ZNF385D: variants seen among roughly 807,000 people sequenced by gnomAD.
ZNF385D encodes the protein zinc finger protein 385D.
ZNF385D carries 15 observed loss-of-function variants against 35.8 expected under a neutral mutation model. The observed-to-expected ratio is 0.42, with a 90% CI of 0.28 to 0.64. The LOEUF (loss-of-function observed/expected upper bound fraction) is 0.64, where lower values mean the gene tolerates loss of function less well. ZNF385D is among the 30% of genes least tolerant of loss of function. ZNF385D has a pLI of 0.23. For missense variants in ZNF385D, 474 were observed against 494.6 expected, an observed-to-expected ratio of 0.96 and a Z score of 0.39; for synonymous variants, 212 against 186.8, an observed-to-expected ratio of 1.13 and a Z score of -1.10.
intron 3 of ZNF385D, among the ~76,000 whole-genome samples, chr3:22,158,212 A>T (rs1201658009): frequency 6.6e-6 from 1 of 152,056 alleles, no homozygotes; most frequent in African/African-American, 2.4e-5. Context: ...CAGGTGAGTT[A>T]TATCTGAGTT....
chr3:21,956,035 A>G (rs1411305968), intron 3 of ZNF385D, among the ~76,000 whole-genome samples: 1 of 152,012 alleles, frequency 6.6e-6, no homozygotes, highest in Non-Finnish European at 1.5e-5. Context: ...AAAAGAAAAA[A>G]AATTATCCAC....
At chr3:22,118,249 A>T (rs558162067) in intron 3 of ZNF385D, among the ~76,000 whole-genome samples, 53 of 152,260 alleles carry the variant, frequency 3.5e-4, no homozygotes, top group Non-Finnish European at 6.2e-4. Flanking sequence ...TGAGTTTAGT[A>T]GTCTCAGGTG....
At chr3:21,865,436 A>G (rs1303007316) in intron 3 of ZNF385D, among the ~76,000 whole-genome samples, 3 of 152,084 alleles carry the variant, frequency 2.0e-5, no homozygotes, top group African/African-American at 7.2e-5. Context: ...AAACCATATT[A>G]TTATTAAGGC....
intron 3 of ZNF385D, among the ~76,000 whole-genome samples, chr3:21,885,787 G>C (rs1022725529): frequency 1.4e-5 from 2 of 138,876 alleles, no homozygotes; most frequent in African/African-American, 5.2e-5. Flanking sequence ...TAGAAAGAAA[G>C]AGAGACCGAT....
chr3:21,574,074 AAGG>A (rs2063419014), intron 2 of ZNF385D, among the ~76,000 whole-genome samples: 1 of 151,318 alleles, frequency 6.6e-6, no homozygotes, highest in Non-Finnish European at 1.5e-5. Flanking sequence ...AAAAAAAAAA[AAGG>A]AAGGGAGGAA....
chr3:21,971,598 G>A (rs1030359676), intron 3 of ZNF385D, among the ~76,000 whole-genome samples: 4 of 151,280 alleles, frequency 2.6e-5, no homozygotes, highest in Admixed American at 2.6e-4. Context: ...AATGGCAAGA[G>A]TAAGTCCTTA....
intron 3 of ZNF385D, among the ~76,000 whole-genome samples, chr3:22,121,733 A>C (rs1467607552): frequency 2.0e-5 from 3 of 150,730 alleles, no homozygotes; most frequent in African/African-American, 7.3e-5. Context: ...AATCCCCTGT[A>C]CCTGGGCATT....
chr3:21,875,453 G>A (rs1697914424), intron 3 of ZNF385D, among the ~76,000 whole-genome samples: 1 of 151,828 alleles, frequency 6.6e-6, no homozygotes. Context: ...AATCTACATT[G>A]CTGCTTCAGT....
chr3:21,841,669 C>T (rs1695684637), intron 3 of ZNF385D, among the ~76,000 whole-genome samples: 1 of 151,876 alleles, frequency 6.6e-6, no homozygotes, highest in African/African-American at 2.4e-5. Flanking sequence ...CTTTGGAATA[C>T]TTAAGTTATT....
At chr3:21,631,341 CAT>C (rs2065275538) in intron 2 of ZNF385D, among the ~76,000 whole-genome samples, 1 of 151,932 alleles carries the variant, frequency 6.6e-6, no homozygotes, top group South Asian at 2.1e-4. Flanking sequence ...TTCCAGAACA[CAT>C]GTCTGAACTT....
At chr3:21,767,683 G>T (rs984520640) in intron 3 of ZNF385D, among the ~76,000 whole-genome samples, 2 of 150,742 alleles carry the variant, frequency 1.3e-5, no homozygotes, top group African/African-American at 5.0e-5. Flanking sequence ...TAAGGTGGGG[G>T]GTGGGAGAGG....
chr3:21,480,319 TC>T (rs1166375104), intron 4 of ZNF385D, among the ~76,000 whole-genome samples: 1 of 152,080 alleles, frequency 6.6e-6, no homozygotes, highest in Non-Finnish European at 1.5e-5. Flanking sequence ...ATCAGGCTGA[TC>T]TCGAACTCCT....
chr3:22,333,650 C>G (rs1695036452), intron 2 of ZNF385D, among the ~76,000 whole-genome samples: 1 of 152,042 alleles, frequency 6.6e-6, no homozygotes, highest in Admixed American at 6.6e-5. Context: ...TTTCCTAAGA[C>G]TTTCTATATT....
intron 2 of ZNF385D, among the ~76,000 whole-genome samples, chr3:22,235,404 G>A (rs972379055): frequency 1.3e-5 from 2 of 152,030 alleles, no homozygotes; most frequent in East Asian, 1.9e-4. Flanking sequence ...AGGGAAAGAC[G>A]ACATTTATTT....
At chr3:22,273,496 A>G (rs1373680498) in intron 2 of ZNF385D, among the ~76,000 whole-genome samples, 2 of 151,964 alleles carry the variant, frequency 1.3e-5, no homozygotes, top group Non-Finnish European at 2.9e-5. Context: ...AAGATGTTAA[A>G]TATCCTTTAA....
At chr3:21,531,255 T>C (rs1014992544) in intron 3 of ZNF385D, among the ~76,000 whole-genome samples, 5 of 152,140 alleles carry the variant, frequency 3.3e-5, no homozygotes, top group African/African-American at 4.8e-5. Context: ...ACTGGCAACA[T>C]GAAATGCTGG....
chr3:21,544,930 C>T (rs186495242), intron 3 of ZNF385D, among the ~76,000 whole-genome samples: 89 of 152,268 alleles, frequency 5.8e-4, no homozygotes, highest in African/African-American at 2.1e-3. Context: ...AAAAGAGAGG[C>T]AAACAGGATT....
chr3:21,966,788 G>A (rs897353637), intron 3 of ZNF385D, among the ~76,000 whole-genome samples: 3 of 152,152 alleles, frequency 2.0e-5, no homozygotes, highest in Admixed American at 1.3e-4. Flanking sequence ...TGCCATGTTG[G>A]CCAGGCTGGT....
chr3:22,049,859 T>C (rs1284821826), intron 3 of ZNF385D, among the ~76,000 whole-genome samples: 1 of 152,212 alleles, frequency 6.6e-6, no homozygotes, highest in Non-Finnish European at 1.5e-5. Flanking sequence ...CACTTGATCA[T>C]GGTGAGTTAT....
Sources: gnomAD v4.1 joint callset for allele counts (sites outside exome capture counted in the v4.1 genomes callset) on GRCh38, gnomAD v4.1.1 for gene constraint, MANE v1.5 for transcripts, NCBI Gene and HGNC (gene_info 2026-07-23, HGNC 2026-07-21) for gene names.